RGPD4: variants seen among roughly 807,000 people sequenced by gnomAD.
RGPD4 encodes the protein ranBP2-like and GRIP domain-containing protein 4.
Under a neutral mutation model 141.1 loss-of-function variants are expected in RGPD4, and 84 were observed. The ratio of observed to expected loss-of-function variants is 0.60; its 90% CI spans 0.50 to 0.71. The LOEUF is 0.71. Ranked by LOEUF, RGPD4 falls within the 30% of genes least tolerant of loss-of-function variation. The probability of loss-of-function intolerance (pLI) is 0.00; values close to 1 mark genes in which losing one functional copy is unlikely to be tolerated. For missense variants in RGPD4, 918 were observed against 1,622.4 expected, an observed-to-expected ratio of 0.57 and a Z score of 7.46; for synonymous variants, 298 against 566.8, an observed-to-expected ratio of 0.53 and a Z score of 6.74.
intron 9 of RGPD4, among the ~76,000 whole-genome samples, chr2:107,857,189 G>A (rs1682351730): frequency 3.3e-5 from 5 of 150,144 alleles, no homozygotes; most frequent in Admixed American, 3.3e-4. Context: ...CCATGCTGGA[G>A]TGCAGTGGTG....
At chr2:107,884,379 T>A (rs1235611953) in intron 22 of RGPD4, among the ~76,000 whole-genome samples, 1 of 152,182 alleles carries the variant, frequency 6.6e-6, no homozygotes, top group South Asian at 2.1e-4. Flanking sequence ...GGATTACAGG[T>A]GTGAGACACC....
At chr2:107,856,102 G>A (rs936064340) in intron 8 of RGPD4, among the ~76,000 whole-genome samples, 1 of 130,518 alleles carries the variant, frequency 7.7e-6, no homozygotes, top group Non-Finnish European at 1.6e-5. Context: ...CGCCCGGGCT[G>A]GAGTGCAGTG....
At chr2:107,887,165 T>G (rs978521729) in intron 22 of RGPD4, among the ~76,000 whole-genome samples, 7 of 151,858 alleles carry the variant, frequency 4.6e-5, no homozygotes, top group East Asian at 1.9e-4. Flanking sequence ...TTCTTTGTTA[T>G]AAGGAGTTCG....
intron 1 of RGPD4, among the ~76,000 whole-genome samples, chr2:107,831,238 G>A (rs1428534932): frequency 6.7e-6 from 1 of 148,958 alleles, no homozygotes; most frequent in Admixed American, 6.7e-5. Flanking sequence ...TTTCCAGATG[G>A]CTTCTGTTTA....
In RGPD4 at chr2:107,880,117, G is replaced by A. The variant is rs1675311823; in HGVS notation, c.5064+10G>A. The A allele has an allele frequency of 6.2e-7, 1 of 1,611,360 alleles. No individual in the cohort carries two copies. The highest frequency in any genetic ancestry group is 1.7e-5 in the Admixed American group (1 of 59,978). On this transcript the variant is annotated intron_variant, in intron 21 of 22. Transcript: ENST00000408999. ...TATGGAGCAAATTAAGGTGAGATCAGAAAACCTGGCCACCATGAAAACTGC... is the reference window on the plus strand; with the variant it reads ...TATGGAGCAAATTAAGGTGAGATCAAAAAACCTGGCCACCATGAAAACTGC...
Sources: allele counts gnomAD v4.1 joint callset (sites outside exome capture counted in the v4.1 genomes callset), GRCh38; gene constraint gnomAD v4.1.1; transcripts MANE v1.5; gene names NCBI Gene and HGNC (gene_info 2026-07-23, HGNC 2026-07-21).